NDRG2: variants seen among roughly 807,000 people sequenced by gnomAD.
The protein encoded by NDRG2 is NDRG family member 2, also known as protein NDRG2.
NDRG2 carries 34 observed loss-of-function variants against 58.2 expected under a neutral mutation model. The ratio of observed to expected loss-of-function variants is 0.58; its 90% CI spans 0.44 to 0.78. NDRG2 has a LOEUF of 0.78. Ranked by LOEUF, NDRG2 falls within the 30% of genes least tolerant of loss-of-function variation. NDRG2 has a pLI of 0.00. For missense variants in NDRG2, 434 were observed against 471.2 expected (o/e 0.92, Z 0.73); for synonymous variants, 187 against 175.9 (o/e 1.06, Z -0.50).
chr14:21,018,997 G>A lies in NDRG2; in HGVS notation c.761+119C>T, dbSNP rs115917046. ...CTAGAGGGAAGTGATTTACCAAATA[G>A]GATGGGGTGGGACATGACAAGGAAG... On this transcript the variant is annotated intron_variant, in intron 11 of 15. Coordinates refer to ENST00000556147, the MANE Select transcript of NDRG2 (RefSeq NM_001320329.2). 7,414 of 1,281,036 alleles carry A rather than the reference G, an allele frequency of 5.8e-3. 354 individuals carry two copies. The African/African-American group carries it at 0.098, about 17-fold the overall frequency. The allele number at this position is 1,281,036 out of a possible 1,614,324, so 79.4% of individuals were successfully genotyped here. A position where few individuals can be genotyped will look rare whatever the true frequency, so the allele number is the denominator to read the frequency against.
intron 1 of NDRG2, chr14:21,031,804 T>C: frequency 6.9e-7 from 1 of 1,439,376 alleles, no homozygotes. Flanking sequence ...CTCCAAGCAC[T>C]TGTTCTAAGT....
chr14:21,018,963 G>A, intron 11 of NDRG2, 149 bp from the exon 12 acceptor site: 3 of 1,262,380 alleles, frequency 2.4e-6, no homozygotes, highest in Non-Finnish European at 3.3e-6. Flanking sequence ...GGATTCAAAG[G>A]GGGAAGACCT....
chr14:21,052,651 C>T (rs1039425610), intron 1 of NDRG2, among the ~76,000 whole-genome samples: 1 of 152,100 alleles, frequency 6.6e-6, no homozygotes, highest in African/African-American at 2.4e-5. Context: ...AGACTGGACG[C>T]AAGGTGAGTA....
chr14:21,070,405 T>C lies in NDRG2; in HGVS notation c.24+423A>G. ...CGGCCCGGCGCCGAGCCATGGTGAG[T>C]CCAGCGTCGCAGCCCCCTGGGTCCC... On this transcript the variant is annotated intron_variant, in intron 1 of 14. Coordinates refer to the NDRG2 transcript ENST00000403829. This position sits in a 1 kb window ranked among gnomAD's most constrained non-coding sequence, Gnocchi z 4.7. The C allele has an allele frequency of 1.4e-6, 2 of 1,416,538 alleles. No individual in the cohort carries two copies. The highest frequency in any genetic ancestry group is 3.3e-5 in the Admixed American group (1 of 30,682). The allele number at this position is 1,416,538 out of a possible 1,614,324, so 87.7% of individuals were successfully genotyped here. A position where few individuals can be genotyped will look rare whatever the true frequency, so the allele number is the denominator to read the frequency against.
intron 1 of NDRG2, chr14:21,031,888 G>C (rs1370394182): frequency 6.2e-7 from 1 of 1,611,914 alleles, no homozygotes; most frequent in South Asian, 1.1e-5. Context: ...TCCCTGGCTT[G>C]CAGAAAGCAA....
chr14:21,023,175 T>C (rs1881700277), intron 2 of NDRG2, 66 bp downstream of exon 2: 11 of 1,377,842 alleles, frequency 8.0e-6, no homozygotes, highest in East Asian at 2.3e-5. Context: ...CTTGGGAAGT[T>C]AGAAGGCAAG....
intron 1 of NDRG2, among the ~76,000 whole-genome samples, chr14:21,047,426 G>C (rs1039206499): frequency 6.6e-6 from 1 of 152,086 alleles, no homozygotes; most frequent in African/African-American, 2.4e-5. Context: ...TCAATCCTTC[G>C]TGTGACCTTG....
chr14:21,066,406 G>A (rs1195603594), intron 1 of NDRG2, among the ~76,000 whole-genome samples: 2 of 151,216 alleles, frequency 1.3e-5, no homozygotes, highest in African/African-American at 4.9e-5. Flanking sequence ...TGCAACCTCC[G>A]CCTCCCAGGT....
chr14:21,017,719 G>A lies in NDRG2; in HGVS notation c.993C>T (p.Ala331=), dbSNP rs34978161. Residue 331 remains alanine, a synonymous_variant, in exon 16 of 16, where the codon GCC becomes GCT. Coordinates refer to ENST00000556147, the MANE Select transcript of NDRG2 (RefSeq NM_001320329.2). ...CMTRLSRSRT[A]SLTSAASVDG... ...CAACGGATGCTGCACTGGTCAGAGA[G>A]GCTGTACGAGACCGGGACAGGCGAG... The A allele has an allele frequency of 1.5e-4, 244 of 1,604,566 alleles. 1 individual carries two copies. The African/African-American group carries it at 2.9e-3, about 19-fold the overall frequency.
At chr14:21,040,675 A>G (rs760979709) in intron 1 of NDRG2, among the ~76,000 whole-genome samples, 4 of 152,166 alleles carry the variant, frequency 2.6e-5, no homozygotes, top group Non-Finnish European at 5.9e-5. Flanking sequence ...CACACTGGAC[A>G]CACTGCTGTT....
chr14:21,059,175 C>A (rs767677410), intron 1 of NDRG2, among the ~76,000 whole-genome samples: 13 of 152,184 alleles, frequency 8.5e-5, no homozygotes, highest in Non-Finnish European at 1.5e-4. Context: ...CATGTTTCAT[C>A]GACGTGACCC....
At position 21,022,846 on chromosome 14, in the gene NDRG2, C is replaced by A. The variant is rs767064594; in HGVS notation, c.117+18G>T. On this transcript the variant is annotated intron_variant, in intron 3 of 15. Coordinates refer to ENST00000556147, the MANE Select transcript of NDRG2 (RefSeq NM_001320329.2). ...GACAGCCCCTCCTCCCACCTTGGGA[C>A]TGCCCCCACACTGTTACCTGTCCCT... The A allele has an allele frequency of 6.2e-7, 1 of 1,612,812 alleles. No individual in the cohort carries two copies. The highest frequency in any genetic ancestry group is 1.6e-4 in the Middle Eastern group (1 of 6,062).
intron 2 of NDRG2, 54 bp downstream of exon 2, chr14:21,023,187 G>A: frequency 7.5e-6 from 11 of 1,464,136 alleles, no homozygotes; most frequent in Non-Finnish European, 1.1e-5. Flanking sequence ...GAAGGCAAGG[G>A]GGATGCTTAG....
intron 1 of NDRG2, among the ~76,000 whole-genome samples, chr14:21,059,595 C>G (rs549220624): frequency 1.3e-5 from 2 of 151,966 alleles, no homozygotes; most frequent in African/African-American, 4.8e-5. Flanking sequence ...CCTGGGCTCA[C>G]GTGATCCTCC....
rs755310455 is a variant in NDRG2 at position 21,023,258 on chromosome 14, T to C, written c.58A>G (p.Thr20Ala). 6.2e-7 allele frequency: 1 copy of C among 1,614,010 alleles called. No individual in the cohort carries two copies. The highest frequency in any genetic ancestry group is 8.5e-7 in the Non-Finnish European group (1 of 1,179,960). The change falls in exon 2 of 16, where the codon ACG becomes GCG. Residue 20 changes from threonine to alanine, a missense_variant. By Grantham distance (58) the Thr-to-Ala change is moderately conservative (BLOSUM62 0). Coordinates refer to ENST00000556147, the MANE Select transcript of NDRG2 (RefSeq NM_001320329.2). Reference protein sequence around the residue: ...TEEKPLLPGQTPEAAKEAELA... With the variant: ...TEEKPLLPGQAPEAAKEAELA... Reference sequence around the variant, plus strand: ...CTAATAACCTTGGCCGCCTCAGGCGTCTGTCCTGGCAACAGTGGCTTCTCC... The same window carrying C: ...CTAATAACCTTGGCCGCCTCAGGCGCCTGTCCTGGCAACAGTGGCTTCTCC...
chr14:21,034,257 AG>A, intron 1 of NDRG2: 1 of 1,613,520 alleles, frequency 6.2e-7, no homozygotes, highest in Non-Finnish European at 8.5e-7. Context: ...AACAAGCTGG[AG>A]GAAAAGGAGC....
intron 10 of NDRG2, 103 bp from the exon 11 acceptor site, chr14:21,019,263 G>A (rs45551942): frequency 2.0e-4 from 234 of 1,189,584 alleles, no homozygotes; most frequent in Non-Finnish European, 2.6e-4. Context: ...TAAAAATTAC[G>A]GTCAAATCTT....
intron 1 of NDRG2, among the ~76,000 whole-genome samples, chr14:21,047,733 G>A (rs2139127523): frequency 6.6e-6 from 1 of 152,306 alleles, no homozygotes; most frequent in East Asian, 1.9e-4. Flanking sequence ...GAGTAAAGGA[G>A]CGGAAATGGA....
At chr14:21,048,787 C>T (rs536830486) in intron 1 of NDRG2, among the ~76,000 whole-genome samples, 3 of 152,258 alleles carry the variant, frequency 2.0e-5, no homozygotes, top group South Asian at 4.1e-4. Context: ...GCCTGACTTC[C>T]GTGACAGAAG....
Sources: allele counts gnomAD v4.1 joint callset (sites outside exome capture counted in the v4.1 genomes callset), GRCh38; gene constraint gnomAD v4.1.1; non-coding constraint Gnocchi (gnomAD v3.1); transcripts MANE v1.5; gene names NCBI Gene and HGNC (gene_info 2026-07-23, HGNC 2026-07-21).